Variants in ROPN1L observed in about 807,000 individuals in gnomAD.
ROPN1L encodes ropporin-1-like protein.
ROPN1L carries 23 observed loss-of-function variants against 22.7 expected under a neutral mutation model. The ratio of observed to expected loss-of-function variants is 1.01; its 90% CI spans 0.73 to 1.43. The LOEUF (loss-of-function observed/expected upper bound fraction) is 1.43. ROPN1L is among the 40% of genes most tolerant of loss of function. ROPN1L has a pLI of 0.00. For synonymous variants in ROPN1L, 116 were observed against 117.8 expected, an observed-to-expected ratio of 0.98 and a Z score of 0.10; for missense variants, 271 against 291.5, an observed-to-expected ratio of 0.93 and a Z score of 0.51.
Position 10,460,939 on chromosome 5 carries a change from A to C in ROPN1L, c.418-245A>C, listed in dbSNP as rs541843311. Among the ~76,000 whole-genome samples the C allele has an allele frequency of 2.6e-5, 4 of 152,328 alleles. No homozygotes were observed. In the South Asian group the frequency reaches 8.3e-4, roughly 32 times the overall value. On this transcript the variant is annotated intron_variant, in intron 3 of 4. Transcript: ENST00000274134. ...TGTCTGTAACAGTCATTTCTATTTT[A>C]ATAGAAAATAAGATCTGTGAATTAG...
chr5:10,476,323 C>T (rs140157580), downstream of ROPN1L, among the ~76,000 whole-genome samples: 12 of 152,340 alleles, frequency 7.9e-5, no homozygotes, highest in South Asian at 1.2e-3. Context: ...AGGAAAACAT[C>T]TCTGGCAAGG....
intron 2 of ROPN1L, 71 bp downstream of exon 2, chr5:10,448,454 T>A: frequency 6.3e-7 from 1 of 1,587,006 alleles, no homozygotes; most frequent in Admixed American, 1.7e-5. Context: ...TGTGCATTGA[T>A]GACAGAGCGG....
intron 3 of ROPN1L, among the ~76,000 whole-genome samples, chr5:10,452,287 A>G (rs1025294641): frequency 2.1e-5 from 3 of 142,512 alleles, no homozygotes; most frequent in African/African-American, 8.1e-5. Context: ...CCTAAAGTAT[A>G]TGTGTGTGTG....
At chr5:10,460,697 C>G (rs949243044) in intron 3 of ROPN1L, among the ~76,000 whole-genome samples, 1 of 152,236 alleles carries the variant, frequency 6.6e-6, no homozygotes, top group Non-Finnish European at 1.5e-5. Flanking sequence ...GCCCTCCCTT[C>G]TGCTCGGTGG....
Position 10,464,909 on chromosome 5 carries a change from T to A in ROPN1L, c.655T>A (p.Leu219Ile), listed in dbSNP as rs574244668. ...SDFFFPKRKLLESIENSEDVG... is the reference protein window; with the variant it reads ...SDFFFPKRKLIESIENSEDVG... The stretch of plus-strand genomic sequence containing the variant: ...TTTCTTCTTTCCAAAGAGGAAACTT[T>A]TAGAAAGCATTGAAAACTCTGAAGA... The change falls in exon 5 of 5, where the codon TTA (leucine) becomes ATA (isoleucine). Residue 219 changes from leucine (L) to isoleucine (I), a missense_variant. By Grantham distance (5) the Leu-to-Ile change is conservative (BLOSUM62 2). Transcript: ENST00000274134. 1 of 1,607,402 alleles carries A rather than the reference T, an allele frequency of 6.2e-7. No homozygotes were observed. Among genetic ancestry groups the A allele is most frequent in the South Asian group, 1.1e-5 (1 of 89,092 alleles).
chr5:10,465,105 C>T (rs570190709), downstream of ROPN1L: 1 of 457,458 alleles, frequency 2.2e-6, no homozygotes, highest in South Asian at 5.4e-5. Flanking sequence ...GATTGCTTTT[C>T]ACTGTGTCTT....
intron 4 of ROPN1L, among the ~76,000 whole-genome samples, chr5:10,463,073 A>G (rs143369360): frequency 1.5e-3 from 231 of 152,232 alleles, no homozygotes; most frequent in African/African-American, 5.4e-3. Context: ...CGCAATTCTC[A>G]CTCTGATGAA....
chr5:10,457,600 C>G (rs1734863443), intron 3 of ROPN1L, among the ~76,000 whole-genome samples: 1 of 152,220 alleles, frequency 6.6e-6, no homozygotes, highest in South Asian at 2.1e-4. Flanking sequence ...ATTCTCACTC[C>G]CAGAGGAGGA....
chr5:10,479,042 G>A, the ROPN1L span, among the ~76,000 whole-genome samples: 2 of 152,176 alleles, frequency 1.3e-5, no homozygotes, highest in Non-Finnish European at 2.9e-5. Flanking sequence ...TTAGCACTCT[G>A]TTTTTAGTGT....
downstream of ROPN1L, among the ~76,000 whole-genome samples, chr5:10,474,045 A>G (rs886304445): frequency 1.3e-5 from 2 of 151,964 alleles, no homozygotes; most frequent in Non-Finnish European, 2.9e-5. Context: ...CCAGCTACTC[A>G]GGAGGCTGAG....
At position 10,442,268 on chromosome 5, in the gene ROPN1L, A is replaced by G; in HGVS notation, c.101A>G (p.Gln34Arg). The change falls in exon 1 of 5, where the codon CAG (glutamine) becomes CGG (arginine). Residue 34 changes from glutamine (Q) to arginine (R), a missense_variant. Transcript: ENST00000274134. The stretch of plus-strand genomic sequence containing the variant: ...TTCACCAAGGCTGCCATCCGCACCC[A>G]GCCGGCCGACGTGCTGCGGTGGTCC... ...KQFTKAAIRT[Q>R]PADVLRWSAG... 1.2e-6 allele frequency: 2 copies of G among 1,613,674 alleles called. No homozygotes were observed. The highest frequency in any genetic ancestry group is 1.7e-6 in the Non-Finnish European group (2 of 1,179,894).
At position 10,445,638 on chromosome 5, in the gene ROPN1L, C is replaced by T. The variant is rs566708619; in HGVS notation, c.132-2622C>T. Among the ~76,000 whole-genome samples the T allele has an allele frequency of 2.0e-5, 3 of 152,262 alleles. No homozygotes were observed. The South Asian group carries it at 6.2e-4, about 32-fold the overall frequency. On this transcript the variant is annotated intron_variant, in intron 1 of 4. Transcript: ENST00000274134. ...ACGGACATAACTGCTATAGAACAAG[C>T]AAGTAGGCTGAGCACGGTGGCTCAC...
At chr5:10,461,798 G>A (rs182176703) in intron 4 of ROPN1L, among the ~76,000 whole-genome samples, 64 of 152,342 alleles carry the variant, frequency 4.2e-4, no homozygotes, top group South Asian at 8.3e-4. Context: ...AAACACTCAT[G>A]TTTACTATTT....
downstream of ROPN1L, among the ~76,000 whole-genome samples, chr5:10,465,783 C>T (rs952584704): frequency 2.0e-5 from 3 of 152,030 alleles, no homozygotes; most frequent in Admixed American, 6.5e-5. Flanking sequence ...ATCTGGGAGG[C>T]GGAGGTTGTA....
At chr5:10,480,438 A>T in the ROPN1L span, among the ~76,000 whole-genome samples, 7 of 152,192 alleles carry the variant, frequency 4.6e-5, no homozygotes, top group South Asian at 1.2e-3. Flanking sequence ...AATTCCTAGG[A>T]TCCCCTGGGA....
At chr5:10,460,876 C>T (rs913513478) in intron 3 of ROPN1L, among the ~76,000 whole-genome samples, 1 of 152,228 alleles carries the variant, frequency 6.6e-6, no homozygotes, top group African/African-American at 2.4e-5. Context: ...TCTGCATTAG[C>T]TTAGGAAGTT....
At chr5:10,482,448 C>G in the ROPN1L span, 16 of 152,194 alleles carry the variant, frequency 1.1e-4, no homozygotes, top group Admixed American at 1.0e-3. Context: ...GGATGTCACT[C>G]ATGGACATTT....
At chr5:10,474,013 G>A (rs527330117), downstream of ROPN1L, among the ~76,000 whole-genome samples, 5 of 152,162 alleles carry the variant, frequency 3.3e-5, no homozygotes, top group South Asian at 6.2e-4. Flanking sequence ...TTAGCTGGGC[G>A]TGGTGGCGCA....
intron 3 of ROPN1L, among the ~76,000 whole-genome samples, chr5:10,458,550 C>T (rs1441337040): frequency 9.9e-6 from 1 of 100,606 alleles, no homozygotes; most frequent in African/African-American, 3.9e-5. Flanking sequence ...CCCGTGTACA[C>T]CATCCCCCCC....
Sources: gnomAD v4.1 joint callset for allele counts (sites outside exome capture counted in the v4.1 genomes callset) on GRCh38, gnomAD v4.1.1 for gene constraint, MANE v1.5 for transcripts, NCBI Gene and HGNC (gene_info 2026-07-23, HGNC 2026-07-21) for gene names.